MYO3B: variants seen among roughly 807,000 people sequenced by gnomAD.
The protein encoded by MYO3B is myosin IIIB.
A neutral mutation model predicts 174.6 loss-of-function variants in MYO3B; 156 were observed. The ratio of observed to expected loss-of-function variants is 0.89; its 90% CI spans 0.78 to 1.02. The LOEUF (loss-of-function observed/expected upper bound fraction) is 1.02. MYO3B is among the 50% of genes least tolerant of loss of function. The pLI, the probability that MYO3B is intolerant of heterozygous loss-of-function variation, is 0.00. For synonymous variants in MYO3B, 563 were observed against 569.1 expected (o/e 0.99, Z 0.15); for missense variants, 1,632 against 1,639.4 (o/e 1.00, Z 0.08).
chr2:170,373,247 C>T lies in MYO3B; in HGVS notation c.971+3870C>T, dbSNP rs185820230. ...GGGGCCTACCCAAACTGGGCTGCCT[C>T]CCTGGCCTGGTTCACAATGCAATCA... On this transcript the variant is annotated intron_variant, in intron 9 of 34. Coordinates refer to ENST00000408978, the MANE Select transcript of MYO3B (RefSeq NM_138995.5). Among the ~76,000 whole-genome samples the T allele has an allele frequency of 2.1e-4, 32 of 152,336 alleles. No homozygotes were observed. The East Asian group carries it at 6.0e-3, about 28-fold the overall frequency.
intron 8 of MYO3B, among the ~76,000 whole-genome samples, chr2:170,359,522 A>T (rs879562276): frequency 6.6e-6 from 1 of 152,130 alleles, no homozygotes; most frequent in Non-Finnish European, 1.5e-5. Context: ...TACCAGCAAG[A>T]CCTTCTGGGT....
At chr2:170,570,346 T>A (rs757242460) in intron 32 of MYO3B, among the ~76,000 whole-genome samples, 1 of 152,230 alleles carries the variant, frequency 6.6e-6, no homozygotes, top group Non-Finnish European at 1.5e-5. Context: ...ATCTTCCTTT[T>A]TATTTAGCTG....
chr2:170,237,576 C>G (rs1336295360), intron 7 of MYO3B, among the ~76,000 whole-genome samples: 1 of 151,896 alleles, frequency 6.6e-6, no homozygotes, highest in Non-Finnish European at 1.5e-5. Flanking sequence ...CCCTTCCACT[C>G]TATTGACTCC....
chr2:170,469,355 T>C (rs1684834023), intron 25 of MYO3B, among the ~76,000 whole-genome samples: 1 of 152,240 alleles, frequency 6.6e-6, no homozygotes, highest in African/African-American at 2.4e-5. Flanking sequence ...TACTTGCAGA[T>C]GCCTGGGGCT....
At chr2:170,220,957 G>A (rs929384005) in intron 6 of MYO3B, among the ~76,000 whole-genome samples, 2 of 152,152 alleles carry the variant, frequency 1.3e-5, no homozygotes, top group Non-Finnish European at 2.9e-5. Flanking sequence ...AAATGGAGAA[G>A]CATTTTTTCC....
intron 32 of MYO3B, among the ~76,000 whole-genome samples, chr2:170,592,752 A>C (rs1030279483): frequency 2.6e-5 from 4 of 152,128 alleles, no homozygotes; most frequent in Admixed American, 2.0e-4. Flanking sequence ...GATGCTCAAT[A>C]AATATTTCTG....
intron 6 of MYO3B, among the ~76,000 whole-genome samples, chr2:170,230,433 G>T (rs1454510946): frequency 7.4e-6 from 1 of 135,108 alleles, no homozygotes; most frequent in African/African-American, 2.8e-5. Flanking sequence ...TGCCTACCTT[G>T]GCCTCCCAAA....
chr2:170,491,507 G>A (rs951770555), intron 25 of MYO3B, among the ~76,000 whole-genome samples: 4 of 152,052 alleles, frequency 2.6e-5, no homozygotes, highest in Non-Finnish European at 5.9e-5. Context: ...CTCACTGCAA[G>A]CTCCGCCTCC....
chr2:170,349,403 C>T (rs2094043083), intron 8 of MYO3B: 1 of 152,094 alleles, frequency 6.6e-6, no homozygotes, highest in East Asian at 1.9e-4. Flanking sequence ...GCTTCATATC[C>T]CCAATACCTA....
intron 28 of MYO3B, among the ~76,000 whole-genome samples, chr2:170,513,031 A>G (rs975667892): frequency 1.3e-5 from 2 of 152,212 alleles, no homozygotes; most frequent in South Asian, 2.1e-4. Flanking sequence ...ATCCATATGT[A>G]TGATAATGTT....
intron 25 of MYO3B, among the ~76,000 whole-genome samples, chr2:170,472,099 G>GT (rs957329550): frequency 1.2e-4 from 18 of 150,710 alleles, no homozygotes; most frequent in South Asian, 4.2e-4. Flanking sequence ...CTTTTAAAAC[G>GT]TTTTTTTTGC....
chr2:170,584,040 T>C (rs1275870146), intron 32 of MYO3B, among the ~76,000 whole-genome samples: 1 of 152,246 alleles, frequency 6.6e-6, no homozygotes, highest in Non-Finnish European at 1.5e-5. Context: ...ATAGTTACAT[T>C]TACACAATGC....
intron 9 of MYO3B, among the ~76,000 whole-genome samples, chr2:170,377,120 A>G (rs2094299572): frequency 6.6e-6 from 1 of 152,242 alleles, no homozygotes; most frequent in South Asian, 2.1e-4. Context: ...TATGTTTGTC[A>G]ATATAGTTCA....
intron 1 of MYO3B, among the ~76,000 whole-genome samples, chr2:170,191,835 T>C (rs1198757449): frequency 6.6e-6 from 1 of 152,188 alleles, no homozygotes. Flanking sequence ...AAGGTGCTTT[T>C]TTGTGTGGAT....
chr2:170,377,645 C>T (rs1014227510), intron 9 of MYO3B, among the ~76,000 whole-genome samples: 2 of 152,202 alleles, frequency 1.3e-5, no homozygotes, highest in African/African-American at 4.8e-5. Flanking sequence ...CCAGTCCAAG[C>T]CAAGACTTTC....
At chr2:170,469,644 T>G (rs929682901) in intron 25 of MYO3B, among the ~76,000 whole-genome samples, 12 of 152,140 alleles carry the variant, frequency 7.9e-5, no homozygotes, top group African/African-American at 2.4e-4. Context: ...TCACTTCCTT[T>G]AAATAATCCA....
In MYO3B at chr2:170,570,182, T is replaced by C. The variant is rs1219714440; in HGVS notation, c.3733+26194T>C. Among the ~76,000 whole-genome samples, 4 of 152,172 alleles carry C rather than the reference T, an allele frequency of 2.6e-5. No individual in the cohort carries two copies. In the East Asian group the frequency reaches 7.7e-4, roughly 29 times the overall value. ...ATCAGATTTAGATCTTGTATGAAAGTTCTTGGCTGAAGAAAAAGAGTTTTC... is the reference window on the plus strand; with the variant it reads ...ATCAGATTTAGATCTTGTATGAAAGCTCTTGGCTGAAGAAAAAGAGTTTTC... On this transcript the variant is annotated intron_variant, in intron 32 of 34. Transcript: ENST00000408978.
intron 30 of MYO3B, among the ~76,000 whole-genome samples, chr2:170,535,716 A>G (rs1316439729): frequency 6.6e-6 from 1 of 152,148 alleles, no homozygotes; most frequent in Non-Finnish European, 1.5e-5. Flanking sequence ...ATGGGATGAA[A>G]TGGATAGTCT....
rs564237011 is a variant in MYO3B, at chr2:170,547,273, T to A, written c.3733+3285T>A. Among the ~76,000 whole-genome samples, 12 of 148,494 alleles carry A rather than the reference T, an allele frequency of 8.1e-5. No individual in the cohort carries two copies. The East Asian group carries it at 1.8e-3, about 22-fold the overall frequency. On this transcript the variant is annotated intron_variant, in intron 32 of 34. Coordinates refer to ENST00000408978, the MANE Select transcript of MYO3B (RefSeq NM_138995.5). ...TGAACCTGGGAGGCGGAGCTTGCAG[T>A]GAGCCGAGATCGCGCCACTGTACTC...
Sources: gnomAD v4.1 joint callset for allele counts (sites outside exome capture counted in the v4.1 genomes callset) on GRCh38, gnomAD v4.1.1 for gene constraint, MANE v1.5 for transcripts, NCBI Gene and HGNC (gene_info 2026-07-23, HGNC 2026-07-21) for gene names.